OSBPL11: variants seen among roughly 807,000 people sequenced by gnomAD.
OSBPL11 encodes the protein oxysterol binding protein like 11.
Under a neutral mutation model 84.4 loss-of-function variants are expected in OSBPL11, and 33 were observed. The ratio of observed to expected loss-of-function variants is 0.39; its 90% CI spans 0.30 to 0.52. The LOEUF (loss-of-function observed/expected upper bound fraction) is 0.52. Among genes scored for constraint, OSBPL11 ranks in the 20% least tolerant of loss-of-function variants. The pLI is 0.72. For synonymous variants in OSBPL11, 276 were observed against 310.2 expected (o/e 0.89, Z 1.16); for missense variants, 736 against 901.1 (o/e 0.82, Z 2.35).
chr3:125,539,776 T>C (rs1355250896), intron 10 of OSBPL11, among the ~76,000 whole-genome samples: 2 of 152,126 alleles, frequency 1.3e-5, no homozygotes, highest in African/African-American at 4.8e-5. Flanking sequence ...AGGTATTTTA[T>C]GTTCACTCTA....
At chr3:125,534,305 C>T (rs1935607137) in intron 11 of OSBPL11, among the ~76,000 whole-genome samples, 1 of 151,734 alleles carries the variant, frequency 6.6e-6, no homozygotes, top group African/African-American at 2.4e-5. Flanking sequence ...ATCGCTTGAA[C>T]CAGGGAGGTG....
rs370800851 is a variant in OSBPL11 at position 125,567,641 on chromosome 3, A to G, written c.667-46T>C. 1,543 of 1,486,140 alleles carry G rather than the reference A, an allele frequency of 1.0e-3. 2 individuals carry two copies. The highest frequency in any genetic ancestry group is 1.3e-3 in the Non-Finnish European group (1,426 of 1,067,342). 92.1% of individuals were successfully genotyped at this position (1,486,140 alleles called of 1,614,324 possible). A position where few individuals can be genotyped will look rare whatever the true frequency, so the allele number is the denominator to read the frequency against. On this transcript the variant is annotated intron_variant, in intron 5 of 12. Transcript: ENST00000296220. ...TGGGTCCTACTCATGATTTCTGTAAAACATGTATACATACAGTTGCCATTT... is the reference window on the plus strand; with the variant it reads ...TGGGTCCTACTCATGATTTCTGTAAGACATGTATACATACAGTTGCCATTT...
At chr3:125,573,030 T>G (rs1490886678) in intron 5 of OSBPL11, among the ~76,000 whole-genome samples, 9 of 149,670 alleles carry the variant, frequency 6.0e-5, no homozygotes, top group Non-Finnish European at 1.3e-4. Context: ...TGTGTGTATA[T>G]ATATATAACT....
chr3:125,563,184 ACT>A (rs1288517457), intron 7 of OSBPL11, among the ~76,000 whole-genome samples: 2 of 152,128 alleles, frequency 1.3e-5, no homozygotes, highest in African/African-American at 4.8e-5. Context: ...AGAATAAAAC[ACT>A]CTTCAGCTTC....
At chr3:125,558,346 A>G (rs573319228) in intron 8 of OSBPL11, among the ~76,000 whole-genome samples, 61 of 152,318 alleles carry the variant, frequency 4.0e-4, no homozygotes, top group South Asian at 2.7e-3. Flanking sequence ...CCAATTTCAC[A>G]ACTATGAGGT....
chr3:125,542,212 G>C (rs1188622293), intron 10 of OSBPL11, among the ~76,000 whole-genome samples: 1 of 152,108 alleles, frequency 6.6e-6, no homozygotes, highest in African/African-American at 2.4e-5. Flanking sequence ...GCAGAGCTTA[G>C]GAATTTAAAA....
At chr3:125,578,684 T>C (rs1936371239) in intron 4 of OSBPL11, among the ~76,000 whole-genome samples, 1 of 151,714 alleles carries the variant, frequency 6.6e-6, no homozygotes, top group Non-Finnish European at 1.5e-5. Context: ...GACAGGAAAA[T>C]CACTTGAACC....
chr3:125,590,180 C>T (rs1358045279), intron 1 of OSBPL11, among the ~76,000 whole-genome samples: 2 of 152,164 alleles, frequency 1.3e-5, no homozygotes, highest in Non-Finnish European at 2.9e-5. Context: ...AAAGAAAGCT[C>T]ACATCATATG....
chr3:125,587,519 AAGAG>A (rs1316328063), intron 1 of OSBPL11, among the ~76,000 whole-genome samples: 1 of 152,218 alleles, frequency 6.6e-6, no homozygotes, highest in African/African-American at 2.4e-5. Context: ...GGCAGGGTCT[AAGAG>A]AGATCTCTAA....
chr3:125,538,013 A>G (rs529373575), intron 11 of OSBPL11, among the ~76,000 whole-genome samples: 6 of 152,264 alleles, frequency 3.9e-5, no homozygotes, highest in African/African-American at 1.4e-4. Context: ...TGTCTGATTA[A>G]TTTGTACCTC....
intron 9 of OSBPL11, among the ~76,000 whole-genome samples, chr3:125,548,614 A>T (rs1935854707): frequency 6.6e-6 from 1 of 151,954 alleles, no homozygotes; most frequent in Admixed American, 6.6e-5. Flanking sequence ...ATTAAGGGAT[A>T]CTAAGGATAC....
At chr3:125,569,735 T>C (rs1936215401) in intron 5 of OSBPL11, among the ~76,000 whole-genome samples, 2 of 152,340 alleles carry the variant, frequency 1.3e-5, no homozygotes, top group African/African-American at 4.8e-5. Flanking sequence ...GTGAATATTG[T>C]ACAGCAATGA....
intron 1 of OSBPL11, 80 bp from the exon 2 acceptor site, chr3:125,583,058 C>T (rs1936451753): frequency 2.1e-6 from 2 of 962,646 alleles, no homozygotes. Context: ...TTCAAAATAG[C>T]TGCAGATACA....
At chr3:125,535,821 T>C (rs970747037) in intron 11 of OSBPL11, among the ~76,000 whole-genome samples, 5 of 151,914 alleles carry the variant, frequency 3.3e-5, no homozygotes, top group Admixed American at 2.6e-4. Flanking sequence ...TGGTGATATA[T>C]TGATTTAAAG....
chr3:125,555,086 T>G (rs1352070060), intron 8 of OSBPL11, among the ~76,000 whole-genome samples: 3 of 152,172 alleles, frequency 2.0e-5, no homozygotes, highest in Non-Finnish European at 4.4e-5. Context: ...GTGGGCACCA[T>G]CTAATCAGCT....
intron 5 of OSBPL11, 125 bp downstream of exon 5, chr3:125,576,064 C>T: frequency 1.2e-6 from 1 of 803,306 alleles, no homozygotes; most frequent in Non-Finnish European, 1.9e-6. Context: ...AAAATTATCT[C>T]AGCATACTAG....
At chr3:125,548,520 T>C (rs1229606599) in intron 9 of OSBPL11, among the ~76,000 whole-genome samples, 1 of 152,110 alleles carries the variant, frequency 6.6e-6, no homozygotes, top group East Asian at 1.9e-4. Context: ...GCTTGTTCCA[T>C]ATTAAGTGAT....
chr3:125,544,021 G>A (rs1935774534), intron 10 of OSBPL11, among the ~76,000 whole-genome samples: 1 of 151,610 alleles, frequency 6.6e-6, no homozygotes. Context: ...CAAATAAATT[G>A]TACTAATCAT....
chr3:125,579,049 G>T lies in OSBPL11; in HGVS notation c.410-10C>A. The T allele has an allele frequency of 6.4e-7, 1 of 1,557,988 alleles. No individual in the cohort carries two copies. On this transcript the variant is annotated splice_polypyrimidine_tract_variant and intron_variant, in intron 3 of 12. Coordinates refer to ENST00000296220, the MANE Select transcript of OSBPL11 (RefSeq NM_022776.5). ...TCTTTTGCATCTGTAGCTGTTAAAA[G>T]AATGTAAAAATTATTTTATATTTAT...
Sources: allele counts gnomAD v4.1 joint callset (sites outside exome capture counted in the v4.1 genomes callset), GRCh38; gene constraint gnomAD v4.1.1; transcripts MANE v1.5; gene names NCBI Gene and HGNC (gene_info 2026-07-23, HGNC 2026-07-21).